Variants in GABRB1 observed in about 807,000 individuals in gnomAD.
The protein encoded by GABRB1 is gamma-aminobutyric acid type A receptor subunit beta1, also known as gamma-aminobutyric acid receptor subunit beta-1.
Under a neutral mutation model 51.6 loss-of-function variants are expected in GABRB1, and 17 were observed. The observed-to-expected ratio is 0.33, with a 90% confidence interval of 0.23 to 0.49. The LOEUF (loss-of-function observed/expected upper bound fraction) is 0.49. GABRB1 is among the 20% of genes least tolerant of loss of function. The pLI is 0.99. For synonymous variants in GABRB1, 247 were observed against 218.9 expected (o/e 1.13, Z -1.14); for missense variants, 410 against 600.6 (o/e 0.68, Z 3.32).
At chr4:47,135,614 T>C (rs1716611472) in intron 3 of GABRB1, among the ~76,000 whole-genome samples, 1 of 152,222 alleles carries the variant, frequency 6.6e-6, no homozygotes, top group East Asian at 1.9e-4. Flanking sequence ...CCATCATCAC[T>C]CCCTATTCTC....
Position 47,108,011 on chromosome 4 carries a change from A to T in GABRB1, c.241-53238A>T, listed in dbSNP as rs1715042921. On this transcript the variant is annotated intron_variant, in intron 3 of 8. Coordinates refer to ENST00000295454, the MANE Select transcript of GABRB1 (RefSeq NM_000812.4). Reference sequence around the variant, plus strand: ...ATTTCCCATTATTAGGGAACCAGTAATTGTGTTCATAATAAACCATATCTC... The same window carrying T: ...ATTTCCCATTATTAGGGAACCAGTATTTGTGTTCATAATAAACCATATCTC... 2.0e-5 allele frequency among the ~76,000 whole-genome samples: 3 copies of T among 152,062 alleles called. No individual in the cohort carries two copies. The South Asian group carries it at 6.2e-4, about 32-fold the overall frequency.
Position 47,109,130 on chromosome 4 carries a change from G to A in GABRB1, c.241-52119G>A, listed in dbSNP as rs192450755. 1.2e-3 allele frequency among the ~76,000 whole-genome samples: 187 copies of A among 152,228 alleles called. 1 individual carries two copies. The highest frequency in any genetic ancestry group is 4.2e-3 in the African/African-American group (176 of 41,560). On this transcript the variant is annotated intron_variant, in intron 3 of 8. Coordinates refer to ENST00000295454, the MANE Select transcript of GABRB1 (RefSeq NM_000812.4). ...TATTACTAATATTTTTAGCAGACTAGTGATATTTATTTTAGGATGCTTAAC... is the reference window on the plus strand; with the variant it reads ...TATTACTAATATTTTTAGCAGACTAATGATATTTATTTTAGGATGCTTAAC...
chr4:47,253,561 C>T (rs1413121804), intron 4 of GABRB1, among the ~76,000 whole-genome samples: 1 of 152,040 alleles, frequency 6.6e-6, no homozygotes, highest in African/African-American at 2.4e-5. Flanking sequence ...CAAATTGTTC[C>T]TTTCCAATGG....
chr4:47,285,338 A>G (rs1386594088), intron 4 of GABRB1, among the ~76,000 whole-genome samples: 1 of 152,190 alleles, frequency 6.6e-6, no homozygotes, highest in African/African-American at 2.4e-5. Context: ...TAGCTTCCCA[A>G]TGTAATTATA....
chr4:47,423,294 A>G (rs1195621974), intron 8 of GABRB1, among the ~76,000 whole-genome samples: 1 of 152,198 alleles, frequency 6.6e-6, no homozygotes, highest in Non-Finnish European at 1.5e-5. Flanking sequence ...TGGCAACACT[A>G]GAGTCTAGTC....
At chr4:47,258,353 C>A (rs1020190030) in intron 4 of GABRB1, among the ~76,000 whole-genome samples, 1 of 151,954 alleles carries the variant, frequency 6.6e-6, no homozygotes, top group African/African-American at 2.4e-5. Flanking sequence ...TATAACAAAC[C>A]ACAAATCCCT....
intron 3 of GABRB1, among the ~76,000 whole-genome samples, chr4:47,096,284 G>A (rs542263054): frequency 2.0e-5 from 3 of 152,172 alleles, no homozygotes; most frequent in Non-Finnish European, 2.9e-5. Flanking sequence ...TATTGGAAAC[G>A]CCAAGCCAAG....
At chr4:47,242,050 C>G (rs894618920) in intron 4 of GABRB1, among the ~76,000 whole-genome samples, 1 of 151,768 alleles carries the variant, frequency 6.6e-6, no homozygotes, top group Non-Finnish European at 1.5e-5. Context: ...ACCCACCCCA[C>G]GACAGGCCCC....
At chr4:46,998,562 T>C (rs140289800) in intron 1 of GABRB1, among the ~76,000 whole-genome samples, 14,178 of 151,370 alleles carry the variant, frequency 0.094, 1,012 homozygotes, top group Admixed American at 0.2. Context: ...CGAAACCCCG[T>C]CTCTACTAAA....
chr4:47,080,582 TTA>T (rs550449016), intron 3 of GABRB1, among the ~76,000 whole-genome samples: 47 of 152,286 alleles, frequency 3.1e-4, no homozygotes, highest in African/African-American at 1.1e-3. Flanking sequence ...AATTACTTTA[TTA>T]TGTCTATTTT....
At chr4:47,321,093 A>G (rs1725066331) in intron 5 of GABRB1, among the ~76,000 whole-genome samples, 1 of 152,196 alleles carries the variant, frequency 6.6e-6, no homozygotes, top group East Asian at 1.9e-4. Context: ...GAGACCATTA[A>G]TTGTGAATAC....
intron 3 of GABRB1, among the ~76,000 whole-genome samples, chr4:47,123,288 T>A (rs1478010467): frequency 3.6e-5 from 5 of 140,790 alleles, no homozygotes; most frequent in African/African-American, 1.0e-4. Context: ...TACATATATA[T>A]GATTATATAT....
chr4:47,340,747 C>T (rs1560341333), intron 5 of GABRB1, among the ~76,000 whole-genome samples: 1 of 152,108 alleles, frequency 6.6e-6, no homozygotes, highest in African/African-American at 2.4e-5. Flanking sequence ...ACACTCAGGC[C>T]ATAGCAGGTA....
At chr4:47,248,123 A>C (rs942870304) in intron 4 of GABRB1, among the ~76,000 whole-genome samples, 1 of 152,042 alleles carries the variant, frequency 6.6e-6, no homozygotes, top group African/African-American at 2.4e-5. Context: ...ATTTTTCCCC[A>C]ATCAGTATTA....
intron 3 of GABRB1, among the ~76,000 whole-genome samples, chr4:47,145,338 G>A (rs1717113636): frequency 6.6e-6 from 1 of 152,064 alleles, no homozygotes; most frequent in South Asian, 2.1e-4. Flanking sequence ...CACAAATGCT[G>A]CCCATAGTGA....
At chr4:47,286,300 T>C (rs1302204203) in intron 4 of GABRB1, among the ~76,000 whole-genome samples, 1 of 152,210 alleles carries the variant, frequency 6.6e-6, no homozygotes, top group Admixed American at 6.5e-5. Context: ...AGTGCATGCA[T>C]TGTCTTATTT....
chr4:47,037,894 A>G (rs1375462755), intron 3 of GABRB1, among the ~76,000 whole-genome samples: 1 of 152,182 alleles, frequency 6.6e-6, no homozygotes, highest in African/African-American at 2.4e-5. Flanking sequence ...AGTGAATGGC[A>G]GAGTCAAAAT....
At chr4:47,336,230 T>C (rs1725692837) in intron 5 of GABRB1, among the ~76,000 whole-genome samples, 1 of 152,210 alleles carries the variant, frequency 6.6e-6, no homozygotes, top group African/African-American at 2.4e-5. Flanking sequence ...AATTTACAAG[T>C]CATGATCTTG....
At chr4:47,071,153 C>T (rs952257423) in intron 3 of GABRB1, among the ~76,000 whole-genome samples, 5 of 152,174 alleles carry the variant, frequency 3.3e-5, no homozygotes, top group African/African-American at 9.7e-5. Flanking sequence ...AACTTCTAAA[C>T]GCTTTGCCTT....
Sources: gnomAD v4.1 joint callset for allele counts (sites outside exome capture counted in the v4.1 genomes callset) on GRCh38, gnomAD v4.1.1 for gene constraint, MANE v1.5 for transcripts, NCBI Gene and HGNC (gene_info 2026-07-23, HGNC 2026-07-21) for gene names.